Variants in FRMD4B observed in about 807,000 individuals in gnomAD.
FRMD4B encodes FERM domain-containing protein 4B.
A neutral mutation model predicts 141.5 loss-of-function variants in FRMD4B; 74 were observed. The ratio of observed to expected loss-of-function variants is 0.52; its 90% CI spans 0.43 to 0.63. The LOEUF is 0.63. FRMD4B is among the 30% of genes least tolerant of loss of function. The probability of loss-of-function intolerance (pLI) is 0.00; values close to 1 mark genes in which losing one functional copy is unlikely to be tolerated. For synonymous variants in FRMD4B, 506 were observed against 467.9 expected (o/e 1.08, Z -1.05); for missense variants, 1,366 against 1,253.4 (o/e 1.09, Z -1.36).
intron 21 of FRMD4B, among the ~76,000 whole-genome samples, chr3:69,179,520 G>C (rs2092683328): frequency 6.6e-6 from 1 of 152,186 alleles, no homozygotes; most frequent in African/African-American, 2.4e-5. Context: ...TAATAGATGG[G>C]ACAGCCCTAG....
chr3:69,287,589 A>G (rs4855381), intron 5 of FRMD4B, 163 bp downstream of exon 5: 311,439 of 575,968 alleles, frequency 0.54, 85,440 homozygotes, highest in Middle Eastern at 0.57. Context: ...AAAAGATACC[A>G]TTTGTGTATG....
intron 1 of FRMD4B, among the ~76,000 whole-genome samples, chr3:69,364,363 C>T (rs750336854): frequency 3.3e-5 from 5 of 152,188 alleles, no homozygotes; most frequent in African/African-American, 9.6e-5. Flanking sequence ...AGGAAGCATG[C>T]GCTGGGACCT....
At chr3:69,309,662 C>T (rs1226261019) in intron 3 of FRMD4B, among the ~76,000 whole-genome samples, 1 of 140,230 alleles carries the variant, frequency 7.1e-6, no homozygotes, top group African/African-American at 2.7e-5. Context: ...ACCTAGGTGG[C>T]TCTGAAACTC....
chr3:69,531,044 C>A (rs928944334), intron 1 of FRMD4B, among the ~76,000 whole-genome samples: 11 of 152,142 alleles, frequency 7.2e-5, no homozygotes, highest in Non-Finnish European at 1.0e-4. Context: ...GACATGGATG[C>A]AAATCTCAAC....
chr3:69,479,571 G>A lies in FRMD4B; in HGVS notation c.-128-46810C>T, dbSNP rs567730494. Among the ~76,000 whole-genome samples, 4 of 152,314 alleles carry A rather than the reference G, an allele frequency of 2.6e-5. No individual in the cohort carries two copies. In the South Asian group the frequency reaches 8.3e-4, roughly 32 times the overall value. ...CTGGCTTGTAGAGTTTCTGCCAAGA[G>A]ATCCCCTATTAGTCTGATGGGCTTC... On this transcript the variant is annotated intron_variant, in intron 1 of 5. Transcript: ENST00000459638.
intron 5 of FRMD4B, among the ~76,000 whole-genome samples, chr3:69,251,614 A>C (rs1318943595): frequency 6.6e-6 from 1 of 152,244 alleles, no homozygotes; most frequent in Non-Finnish European, 1.5e-5. Flanking sequence ...CCCTTCTGAA[A>C]CCTGAGGAGA....
chr3:69,330,782 C>T (rs1225101551), intron 1 of FRMD4B, among the ~76,000 whole-genome samples: 1 of 152,156 alleles, frequency 6.6e-6, no homozygotes, highest in Non-Finnish European at 1.5e-5. Flanking sequence ...CAGGCGTGTG[C>T]CACCACGCCC....
intron 1 of FRMD4B, among the ~76,000 whole-genome samples, chr3:69,471,199 T>A (rs1489344127): frequency 6.6e-6 from 1 of 152,178 alleles, no homozygotes; most frequent in African/African-American, 2.4e-5. Flanking sequence ...TTAGATAATA[T>A]CTTTGTAATC....
At chr3:69,315,526 C>T (rs565720923) in intron 1 of FRMD4B, among the ~76,000 whole-genome samples, 207 of 152,140 alleles carry the variant, frequency 1.4e-3, no homozygotes, top group African/African-American at 4.8e-3. Flanking sequence ...TGTGTGTATA[C>T]ATATTTTTTG....
intron 5 of FRMD4B, among the ~76,000 whole-genome samples, chr3:69,273,417 C>T (rs922785435): frequency 2.0e-5 from 3 of 152,118 alleles, no homozygotes; most frequent in African/African-American, 4.8e-5. Context: ...GACTCCTGTG[C>T]TTTAAAATCT....
At chr3:69,291,546 C>A (rs1700875475) in intron 4 of FRMD4B, among the ~76,000 whole-genome samples, 1 of 152,144 alleles carries the variant, frequency 6.6e-6, no homozygotes, top group Non-Finnish European at 1.5e-5. Flanking sequence ...GCTTGGGGGA[C>A]ACTGGGACAC....
intron 2 of FRMD4B, among the ~76,000 whole-genome samples, chr3:69,417,829 C>T (rs1238546077): frequency 6.6e-6 from 1 of 152,206 alleles, no homozygotes; most frequent in African/African-American, 2.4e-5. Context: ...CAGAGCCATA[C>T]TTCCTCCAGA....
At position 69,312,898 on chromosome 3, in the gene FRMD4B, A is replaced by AT. The variant is rs1331985094; in HGVS notation, c.228+553_228+554insA. Among the ~76,000 whole-genome samples, 14 of 152,274 alleles carry AT rather than the reference A, an allele frequency of 9.2e-5. 1 individual carries two copies. Among genetic ancestry groups the AT allele is most frequent in the Non-Finnish European group, 2.1e-4 (14 of 68,036 alleles). The stretch of plus-strand genomic sequence containing the variant: ...AGCAAGACTCCGTCTGAAAAAAAAA[A>AT]ATATATCTATCTATATCATCACTTA... On this transcript the variant is annotated intron_variant, in intron 2 of 22. Transcript: ENST00000398540.
chr3:69,468,954 A>G (rs539116493), intron 1 of FRMD4B, among the ~76,000 whole-genome samples: 19 of 152,336 alleles, frequency 1.2e-4, no homozygotes, highest in African/African-American at 4.3e-4. Flanking sequence ...GAGCTTCAAA[A>G]GCTGAGTAAG....
intron 2 of FRMD4B, among the ~76,000 whole-genome samples, chr3:69,404,502 C>A (rs992025333): frequency 1.3e-5 from 2 of 152,244 alleles, no homozygotes; most frequent in Admixed American, 6.5e-5. Flanking sequence ...TTAATTTTCA[C>A]AATGACCTAT....
chr3:69,353,712 A>G lies in FRMD4B; in HGVS notation c.162+32116T>C, dbSNP rs922764498. On this transcript the variant is annotated intron_variant, in intron 1 of 22. Coordinates refer to ENST00000398540, the MANE Select transcript of FRMD4B (RefSeq NM_015123.3). ...TACAAGCCAGTGGAAGTAGGAACTT[A>G]AAAACTCCCGACGCCTTCCGCTGCC... 8.1e-5 allele frequency: 80 copies of G among 984,972 alleles called. 1 individual carries two copies. In the East Asian group the frequency reaches 1.0e-3, roughly 13 times the overall value. The allele number at this position is 984,972 out of a possible 1,614,324, so 61.0% of individuals were successfully genotyped here.
At chr3:69,336,913 C>T (rs935502276) in intron 1 of FRMD4B, among the ~76,000 whole-genome samples, 1 of 152,154 alleles carries the variant, frequency 6.6e-6, no homozygotes, top group Non-Finnish European at 1.5e-5. Flanking sequence ...CACTACACTC[C>T]AGCCTGGGCA....
intron 1 of FRMD4B, among the ~76,000 whole-genome samples, chr3:69,497,387 T>C (rs921520931): frequency 6.6e-5 from 10 of 152,190 alleles, no homozygotes; most frequent in Non-Finnish European, 1.5e-4. Context: ...GCACCTATCA[T>C]GGTGTTTATA....
At position 69,540,656 on chromosome 3, in the gene FRMD4B, T is replaced by TAC. The variant is rs1157143009; in HGVS notation, c.-129+1549_-129+1550insGT. Among the ~76,000 whole-genome samples, 164 of 75,550 alleles carry TAC rather than the reference T, an allele frequency of 2.2e-3. 1 individual carries two copies. The highest frequency in any genetic ancestry group is 3.5e-3 in the African/African-American group (48 of 13,878). The allele number at this position is 75,550 out of a possible 152,430, so 49.6% of individuals were successfully genotyped here. A position where few individuals can be genotyped will look rare whatever the true frequency, so the allele number is the denominator to read the frequency against. ...AAAAAAATATATATATATATATATA[T>TAC]ATATACACACACACACACACACACA... On this transcript the variant is annotated intron_variant, in intron 1 of 5. Coordinates refer to the FRMD4B transcript ENST00000459638.
Sources: gnomAD v4.1 joint callset for allele counts (sites outside exome capture counted in the v4.1 genomes callset) on GRCh38, gnomAD v4.1.1 for gene constraint, MANE v1.5 for transcripts, NCBI Gene and HGNC (gene_info 2026-07-23, HGNC 2026-07-21) for gene names.